OR9Q1: variants seen among roughly 807,000 people sequenced by gnomAD.
The protein encoded by OR9Q1 is olfactory receptor 9Q1.
For synonymous variants in OR9Q1, 153 were observed against 148.6 expected, an observed-to-expected ratio of 1.03 and a Z score of -0.22; for missense variants, 374 against 378.8, an observed-to-expected ratio of 0.99 and a Z score of 0.11.
intron 2 of OR9Q1, among the ~76,000 whole-genome samples, chr11:58,089,999 A>G (rs1189905599): frequency 6.6e-6 from 1 of 152,108 alleles, no homozygotes; most frequent in East Asian, 1.9e-4. Flanking sequence ...TTGATTTTGT[A>G]TCCCGAGACT....
chr11:58,046,599 C>A (rs1853218935), intron 1 of OR9Q1, among the ~76,000 whole-genome samples: 1 of 152,164 alleles, frequency 6.6e-6, no homozygotes, highest in African/African-American at 2.4e-5. Context: ...TGGTGGCTCA[C>A]ACCTGTAATT....
At chr11:58,087,475 A>G (rs938630415) in intron 2 of OR9Q1, among the ~76,000 whole-genome samples, 4 of 151,952 alleles carry the variant, frequency 2.6e-5, no homozygotes, top group African/African-American at 9.7e-5. Context: ...AAATGGAAGC[A>G]CTACTTTCTC....
intron 2 of OR9Q1, among the ~76,000 whole-genome samples, chr11:58,155,179 T>A (rs1229203265): frequency 6.6e-6 from 1 of 151,880 alleles, no homozygotes; most frequent in Non-Finnish European, 1.5e-5. Context: ...AGTCTTAAGT[T>A]ATGTAGAGGA....
chr11:58,099,989 T>C (rs1283605908), intron 2 of OR9Q1, among the ~76,000 whole-genome samples: 1 of 152,216 alleles, frequency 6.6e-6, no homozygotes, highest in Non-Finnish European at 1.5e-5. Flanking sequence ...TGACTCGTAA[T>C]ATTTTGTAAA....
At chr11:58,070,701 A>G (rs1319594117) in intron 2 of OR9Q1, among the ~76,000 whole-genome samples, 1 of 152,220 alleles carries the variant, frequency 6.6e-6, no homozygotes, top group Non-Finnish European at 1.5e-5. Flanking sequence ...CTTGCCCTGT[A>G]CAGGCACTGA....
chr11:58,119,556 C>A, intron 2 of OR9Q1: 1 of 706,864 alleles, frequency 1.4e-6, no homozygotes, highest in Non-Finnish European at 2.3e-6. Flanking sequence ...AATTCTGGGT[C>A]TATTTGTAGA....
chr11:58,024,664 C>T (rs1486574018), intron 1 of OR9Q1, among the ~76,000 whole-genome samples: 2 of 152,190 alleles, frequency 1.3e-5, no homozygotes, highest in African/African-American at 2.4e-5. Flanking sequence ...GTGATTGCCC[C>T]GTGTGACCCT....
chr11:58,034,121 G>A (rs1853071138), intron 1 of OR9Q1, among the ~76,000 whole-genome samples: 1 of 137,070 alleles, frequency 7.3e-6, no homozygotes, highest in South Asian at 2.4e-4. Flanking sequence ...TTGCTCTGTC[G>A]GCCAGGCTAG....
At chr11:58,129,999 G>A (rs1365134499) in intron 2 of OR9Q1, among the ~76,000 whole-genome samples, 2 of 152,062 alleles carry the variant, frequency 1.3e-5, no homozygotes, top group African/African-American at 2.4e-5. Context: ...CCTGTGCCAT[G>A]GTGCTTTGCC....
intron 2 of OR9Q1, among the ~76,000 whole-genome samples, chr11:58,074,868 T>C (rs947445691): frequency 3.0e-4 from 45 of 152,338 alleles, no homozygotes; most frequent in African/African-American, 1.1e-3. Flanking sequence ...GGGGAATCCT[T>C]TCTCCATTTC....
chr11:58,043,127 A>C (rs890099111), intron 1 of OR9Q1, among the ~76,000 whole-genome samples: 25 of 152,090 alleles, frequency 1.6e-4, no homozygotes, highest in Non-Finnish European at 3.2e-4. Flanking sequence ...TGATTTGGAT[A>C]TATTTGTAGG....
intron 2 of OR9Q1, among the ~76,000 whole-genome samples, chr11:58,089,490 CTG>C (rs1333627831): frequency 6.6e-6 from 1 of 151,818 alleles, no homozygotes; most frequent in East Asian, 1.9e-4. Flanking sequence ...TCTAAGGTCT[CTG>C]TTCTGTTCCA....
At chr11:58,063,596 A>G (rs1853400672) in intron 2 of OR9Q1, among the ~76,000 whole-genome samples, 1 of 152,196 alleles carries the variant, frequency 6.6e-6, no homozygotes, top group African/African-American at 2.4e-5. Context: ...CTGACTGACG[A>G]TAGGTACATA....
chr11:58,037,322 A>G (rs1853109490), intron 1 of OR9Q1, among the ~76,000 whole-genome samples: 1 of 152,128 alleles, frequency 6.6e-6, no homozygotes, highest in Non-Finnish European at 1.5e-5. Context: ...TGCACTGGGA[A>G]ACTAAAAATT....
At chr11:58,028,537 G>A (rs2441956) in intron 1 of OR9Q1, among the ~76,000 whole-genome samples, 122,249 of 152,108 alleles carry the variant, frequency 0.8, 49,229 homozygotes, top group East Asian at 0.94. Context: ...GAATTTGACT[G>A]TGAAACTGTC....
intron 1 of OR9Q1, among the ~76,000 whole-genome samples, chr11:58,053,679 A>C (rs1477495037): frequency 1.4e-5 from 2 of 147,108 alleles, no homozygotes; most frequent in Non-Finnish European, 3.0e-5. Context: ...TATAAAATAA[A>C]AATATTTAAT....
intron 2 of OR9Q1, among the ~76,000 whole-genome samples, chr11:58,165,906 G>A (rs1854500210): frequency 6.6e-6 from 1 of 152,188 alleles, no homozygotes; most frequent in Non-Finnish European, 1.5e-5. Context: ...ATTGAACAAA[G>A]GAATTCTGCT....
chr11:58,122,132 AC>A (rs1478427892), intron 2 of OR9Q1, among the ~76,000 whole-genome samples: 1 of 152,124 alleles, frequency 6.6e-6, no homozygotes, highest in African/African-American at 2.4e-5. Flanking sequence ...TGCTTTATTC[AC>A]TACATGGGTA....
chr11:58,066,789 T>C (rs894467520), intron 2 of OR9Q1, among the ~76,000 whole-genome samples: 15 of 152,278 alleles, frequency 9.9e-5, no homozygotes, highest in Admixed American at 9.8e-4. Context: ...CTGGGCCTCC[T>C]GGGCCCACAC....
Sources: allele counts gnomAD v4.1 joint callset (sites outside exome capture counted in the v4.1 genomes callset), GRCh38; gene constraint gnomAD v4.1.1; transcripts MANE v1.5; gene names NCBI Gene and HGNC (gene_info 2026-07-23, HGNC 2026-07-21).